CNTN4: variants seen among roughly 807,000 people sequenced by gnomAD.
The protein encoded by CNTN4 is contactin-4.
Under a neutral mutation model 122.5 loss-of-function variants are expected in CNTN4, and 77 were observed. That is an observed-to-expected ratio of 0.63 (90% CI 0.52 to 0.76). CNTN4 has a LOEUF of 0.76. CNTN4 is among the 30% of genes least tolerant of loss of function. The probability of loss-of-function intolerance (pLI) is 0.00; values close to 1 mark genes in which losing one functional copy is unlikely to be tolerated. For missense variants in CNTN4, 1,256 were observed against 1,259.1 expected, an observed-to-expected ratio of 1.00 and a Z score of 0.04; for synonymous variants, 512 against 447.0, an observed-to-expected ratio of 1.15 and a Z score of -1.83.
chr3:2,282,941 T>C (rs1540537), intron 2 of CNTN4, among the ~76,000 whole-genome samples: 73,561 of 151,900 alleles, frequency 0.48, 18,519 homozygotes, highest in South Asian at 0.62. Context: ...ATACCCAGAA[T>C]AGGCAAATCC....
intron 18 of CNTN4, among the ~76,000 whole-genome samples, chr3:3,038,214 G>T (rs1357752058): frequency 6.6e-6 from 1 of 152,118 alleles, no homozygotes; most frequent in Non-Finnish European, 1.5e-5. Context: ...CTAGTCCCCT[G>T]CTTTCTTTTC....
At chr3:2,817,841 A>G (rs2092772789) in intron 6 of CNTN4, among the ~76,000 whole-genome samples, 1 of 152,218 alleles carries the variant, frequency 6.6e-6, no homozygotes. Flanking sequence ...TAAAATATTA[A>G]CTCCATAACA....
intron 4 of CNTN4, among the ~76,000 whole-genome samples, chr3:2,576,762 G>A (rs1486615368): frequency 1.3e-5 from 2 of 152,042 alleles, no homozygotes; most frequent in Non-Finnish European, 2.9e-5. Flanking sequence ...GGGCCAGGCT[G>A]GTCTCGAACT....
chr3:2,608,615 G>T (rs1365759709), intron 4 of CNTN4, among the ~76,000 whole-genome samples: 1 of 152,166 alleles, frequency 6.6e-6, no homozygotes, highest in Admixed American at 6.5e-5. Flanking sequence ...CTGAGTAGCT[G>T]GTATTACAGG....
intron 4 of CNTN4, among the ~76,000 whole-genome samples, chr3:2,663,080 C>T (rs1329644262): frequency 6.7e-6 from 1 of 150,252 alleles, no homozygotes; most frequent in African/African-American, 2.5e-5. Flanking sequence ...CCATCCTGGG[C>T]AACAGAGTGA....
At position 2,779,330 on chromosome 3, in the gene CNTN4, G is replaced by T. The variant is rs550576315; in HGVS notation, c.358+33633G>T. Among the ~76,000 whole-genome samples, 21 of 152,120 alleles carry T rather than the reference G, an allele frequency of 1.4e-4. 1 individual carries two copies. In the South Asian group the frequency reaches 4.4e-3, roughly 32 times the overall value. On this transcript the variant is annotated intron_variant, in intron 6 of 24. Transcript: ENST00000418658. The stretch of plus-strand genomic sequence containing the variant: ...CGCCCAGGCTTGAGTGCAATGGTGC[G>T]ATCTCGGCTCAGGTGCACACCATGA...
chr3:2,267,415 CA>C (rs1258576958), intron 2 of CNTN4, among the ~76,000 whole-genome samples: 1 of 152,058 alleles, frequency 6.6e-6, no homozygotes, highest in East Asian at 1.9e-4. Flanking sequence ...ATGATGTATA[CA>C]AATCAAAGCA....
intron 4 of CNTN4, among the ~76,000 whole-genome samples, chr3:2,697,388 G>A (rs935388307): frequency 6.6e-6 from 1 of 152,002 alleles, no homozygotes; most frequent in African/African-American, 2.4e-5. Context: ...CTGAGCATCC[G>A]TCTCTGTCTC....
intron 12 of CNTN4, among the ~76,000 whole-genome samples, chr3:2,920,281 T>C (rs779176859): frequency 1.2e-5 from 1 of 84,954 alleles, no homozygotes; most frequent in Non-Finnish European, 2.4e-5. Flanking sequence ...AGGTCAGTGG[T>C]TTCCAGGAGT....
chr3:2,571,280 A>C (rs759235510), intron 3 of CNTN4, 136 bp from the exon 4 acceptor site: 6 of 593,596 alleles, frequency 1.0e-5, no homozygotes, highest in Non-Finnish European at 1.8e-5. Flanking sequence ...TTCATAATTT[A>C]ACATGTCCCT....
intron 13 of CNTN4, among the ~76,000 whole-genome samples, chr3:2,936,004 G>C (rs2094564584): frequency 6.6e-6 from 1 of 152,204 alleles, no homozygotes; most frequent in Non-Finnish European, 1.5e-5. Context: ...TGAGCAGGAG[G>C]AGATAAAACT....
At chr3:3,036,071 A>G (rs949399389) in intron 17 of CNTN4, among the ~76,000 whole-genome samples, 1 of 152,218 alleles carries the variant, frequency 6.6e-6, no homozygotes, top group Non-Finnish European at 1.5e-5. Flanking sequence ...CCACTCTGTC[A>G]GTACCTCCAA....
intron 3 of CNTN4, among the ~76,000 whole-genome samples, chr3:2,569,516 T>C (rs2079327172): frequency 6.6e-6 from 1 of 152,134 alleles, no homozygotes; most frequent in Non-Finnish European, 1.5e-5. Flanking sequence ...TATTTGTCAA[T>C]TTAAAAATAA....
At chr3:2,552,824 T>G (rs1481462250) in intron 3 of CNTN4, among the ~76,000 whole-genome samples, 4 of 152,050 alleles carry the variant, frequency 2.6e-5, no homozygotes, top group Admixed American at 1.3e-4. Flanking sequence ...TCAGGGAAAT[T>G]GGGAGATGTG....
At chr3:2,329,640 A>G (rs2043633497) in intron 2 of CNTN4, among the ~76,000 whole-genome samples, 1 of 152,242 alleles carries the variant, frequency 6.6e-6, no homozygotes, top group African/African-American at 2.4e-5. Context: ...ACTCAAGTAG[A>G]GAAACCAGTG....
At chr3:2,952,758 T>C (rs939366128) in intron 13 of CNTN4, among the ~76,000 whole-genome samples, 1 of 152,244 alleles carries the variant, frequency 6.6e-6, no homozygotes, top group Non-Finnish European at 1.5e-5. Flanking sequence ...CTGTTTAATC[T>C]ACTACAGTTC....
rs1296798476 is a variant in CNTN4, at chr3:2,659,774, ATTTG to A, written c.56-76436_56-76433del. On this transcript the variant is annotated intron_variant, in intron 4 of 24. Coordinates refer to ENST00000418658, the MANE Select transcript of CNTN4 (RefSeq NM_175607.3). ...TCTGGTATATTTGATATGGACAAAT[ATTTG>A]TTTGATTGTTTTCTTTTGATGTGGT... Among the ~76,000 whole-genome samples, 4 of 152,162 alleles carry A rather than the reference ATTTG, an allele frequency of 2.6e-5. No homozygotes were observed. In the South Asian group the frequency reaches 6.2e-4, roughly 24 times the overall value.
chr3:2,641,845 T>C (rs1576319716), intron 4 of CNTN4, among the ~76,000 whole-genome samples: 1 of 152,342 alleles, frequency 6.6e-6, no homozygotes, highest in Non-Finnish European at 1.5e-5. Flanking sequence ...ATGCAACTTT[T>C]AAAACCAGTC....
chr3:2,287,978 A>G (rs182010644), intron 2 of CNTN4, among the ~76,000 whole-genome samples: 10 of 152,176 alleles, frequency 6.6e-5, no homozygotes, highest in African/African-American at 2.4e-4. Flanking sequence ...TGTTAACTTT[A>G]TAAGAATCTG....
Sources: allele counts gnomAD v4.1 joint callset (sites outside exome capture counted in the v4.1 genomes callset), GRCh38; gene constraint gnomAD v4.1.1; transcripts MANE v1.5; gene names NCBI Gene and HGNC (gene_info 2026-07-23, HGNC 2026-07-21).